The following PREX2 variants were observed in gnomAD, a reference collection of about 807,000 sequenced individuals.
The protein encoded by PREX2 is phosphatidylinositol 3,4,5-trisphosphate-dependent Rac exchanger 2 protein.
A neutral mutation model predicts 203.2 loss-of-function variants in PREX2; 107 were observed. The observed-to-expected ratio is 0.53, with a 90% CI of 0.45 to 0.62. The LOEUF is 0.62. Among genes scored for constraint, PREX2 ranks in the 20% least tolerant of loss-of-function variants. PREX2 has a pLI of 0.00. For synonymous variants in PREX2, 672 were observed against 663.6 expected, an observed-to-expected ratio of 1.01 and a Z score of -0.19; for missense variants, 1,777 against 1,955.9, an observed-to-expected ratio of 0.91 and a Z score of 1.72.
chr8:67,956,635 G>A (rs1272961992), intron 1 of PREX2, among the ~76,000 whole-genome samples: 1 of 152,192 alleles, frequency 6.6e-6, no homozygotes, highest in African/African-American at 2.4e-5. Flanking sequence ...CCATTTAACT[G>A]TGGGTCAGTG....
intron 37 of PREX2, among the ~76,000 whole-genome samples, chr8:68,201,406 A>G (rs948709957): frequency 3.3e-5 from 5 of 152,176 alleles, no homozygotes; most frequent in African/African-American, 1.2e-4. Context: ...TCACACGACT[A>G]GGTGAGGTCC....
rs1810723912 is a variant in PREX2 at position 68,119,485 on chromosome 8, C to T, written c.3475C>T (p.His1159Tyr). The stretch of plus-strand genomic sequence containing the variant: ...ATCTCATGATAAACAGGACAAGATA[C>T]ATAGTTGCCTTGAGCATCTTTTCAG... ...RISHDKQDKI[H>Y]SCLEHLFSQV... Residue 1159 changes from histidine to tyrosine, a missense_variant, in exon 28 of 40, where the codon CAT (histidine) becomes TAT (tyrosine). By Grantham distance (83) the His-to-Tyr change is moderately conservative. Coordinates refer to ENST00000288368, the MANE Select transcript of PREX2 (RefSeq NM_024870.4). The T allele has an allele frequency of 1.2e-6, 2 of 1,613,558 alleles. No individual in the cohort carries two copies. Among genetic ancestry groups the T allele is most frequent in the South Asian group, 2.2e-5 (2 of 91,048 alleles).
chr8:68,202,673 T>G (rs892048267), intron 37 of PREX2, among the ~76,000 whole-genome samples: 14 of 151,656 alleles, frequency 9.2e-5, no homozygotes, highest in African/African-American at 3.4e-4. Context: ...TGGTGAGAAA[T>G]AAAGAATAGG....
intron 35 of PREX2, among the ~76,000 whole-genome samples, chr8:68,167,617 G>A (rs772310319): frequency 6.6e-6 from 1 of 152,118 alleles, no homozygotes; most frequent in Non-Finnish European, 1.5e-5. Flanking sequence ...ACAGGCATGA[G>A]ACACCTTGTC....
intron 19 of PREX2, among the ~76,000 whole-genome samples, chr8:68,088,202 C>A (rs1195638444): frequency 6.6e-6 from 1 of 152,150 alleles, no homozygotes; most frequent in Non-Finnish European, 1.5e-5. Context: ...TTGCTATATA[C>A]TTCCTTCGGG....
intron 30 of PREX2, among the ~76,000 whole-genome samples, chr8:68,121,418 T>C (rs1046590456): frequency 6.6e-6 from 1 of 152,120 alleles, no homozygotes; most frequent in African/African-American, 2.4e-5. Context: ...AAAAATCAGT[T>C]GTGAAGCTGT....
chr8:68,128,235 A>C (rs540102757), intron 31 of PREX2, among the ~76,000 whole-genome samples: 10 of 152,330 alleles, frequency 6.6e-5, no homozygotes, highest in African/African-American at 2.4e-4. Flanking sequence ...TTATTATTTT[A>C]ATCTATTTCC....
At chr8:68,055,706 G>T (rs964644720) in intron 9 of PREX2, 124 bp from the exon 10 acceptor site, 1 of 861,100 alleles carries the variant, frequency 1.2e-6, no homozygotes, top group Non-Finnish European at 1.8e-6. Flanking sequence ...ATTATACAGA[G>T]ATCTGTATCC....
intron 1 of PREX2, among the ~76,000 whole-genome samples, chr8:67,990,766 G>A (rs1806576714): frequency 6.6e-6 from 1 of 152,102 alleles, no homozygotes; most frequent in South Asian, 2.1e-4. Flanking sequence ...GCCCACCTCA[G>A]TCTCCTGAAG....
Position 68,191,019 on chromosome 8 carries a change from A to G in PREX2, c.4347-703A>G, listed in dbSNP as rs538912138. Reference sequence around the variant, plus strand: ...TACACAAAATGGCATGAAATACTATACAGCCATAAAATAGAATGAGATCAT... The same window carrying G: ...TACACAAAATGGCATGAAATACTATGCAGCCATAAAATAGAATGAGATCAT... On this transcript the variant is annotated intron_variant, in intron 35 of 39. Coordinates refer to ENST00000288368, the MANE Select transcript of PREX2 (RefSeq NM_024870.4). Among the ~76,000 whole-genome samples, 10 of 152,264 alleles carry G rather than the reference A, an allele frequency of 6.6e-5. No homozygotes were observed. The South Asian group carries it at 2.1e-3, about 32-fold the overall frequency.
chr8:68,019,483 A>G (rs112024249), intron 2 of PREX2, 66 bp from the exon 3 acceptor site: 3 of 1,303,198 alleles, frequency 2.3e-6, no homozygotes, highest in East Asian at 4.9e-5. Context: ...AGAGAATACT[A>G]TGCTATCATA....
At chr8:68,059,665 C>T (rs1808785626) in intron 10 of PREX2, among the ~76,000 whole-genome samples, 2 of 152,166 alleles carry the variant, frequency 1.3e-5, no homozygotes, top group Admixed American at 6.5e-5. Context: ...CAAGTGGGTT[C>T]TCTGCTTAGG....
chr8:68,212,698 A>G (rs971868051), intron 37 of PREX2, among the ~76,000 whole-genome samples: 3 of 152,200 alleles, frequency 2.0e-5, no homozygotes, highest in East Asian at 3.8e-4. Flanking sequence ...CAACTTTGCA[A>G]TATAATTTTC....
intron 13 of PREX2, among the ~76,000 whole-genome samples, chr8:68,071,467 G>T (rs547920926): frequency 1.5e-3 from 221 of 152,250 alleles, no homozygotes; most frequent in African/African-American, 4.9e-3. Context: ...AAAGAACAAT[G>T]AATATAGCTA....
intron 1 of PREX2, among the ~76,000 whole-genome samples, chr8:68,010,874 G>C (rs1461649605): frequency 6.6e-6 from 1 of 152,126 alleles, no homozygotes; most frequent in Non-Finnish European, 1.5e-5. Context: ...TTTCTCCCTA[G>C]GGTTTGGTGT....
At chr8:68,184,398 T>C (rs1812147884) in intron 35 of PREX2, among the ~76,000 whole-genome samples, 1 of 152,230 alleles carries the variant, frequency 6.6e-6, no homozygotes, top group Non-Finnish European at 1.5e-5. Flanking sequence ...ATCATGTCTA[T>C]AAATGATATC....
At chr8:68,104,578 C>G (rs968943467) in intron 23 of PREX2, among the ~76,000 whole-genome samples, 1 of 152,196 alleles carries the variant, frequency 6.6e-6, no homozygotes, top group Non-Finnish European at 1.5e-5. Context: ...ACTGGTAATC[C>G]ATTCTTCAGT....
At chr8:68,033,469 A>ATACC (rs151143173) in intron 6 of PREX2, among the ~76,000 whole-genome samples, 15,602 of 152,188 alleles carry the variant, frequency 0.1, 837 homozygotes, top group Middle Eastern at 0.13. Flanking sequence ...TACTGAAGGT[A>ATACC]GTATAGTACT....
At chr8:68,093,555 T>G in intron 20 of PREX2, 50 bp from the exon 21 acceptor site, 1 of 842,536 alleles carries the variant, frequency 1.2e-6, no homozygotes, top group Middle Eastern at 2.3e-4. Flanking sequence ...TGGGCATGTA[T>G]TTTAGGAAGC....
Sources: gnomAD v4.1 joint callset for allele counts (sites outside exome capture counted in the v4.1 genomes callset) on GRCh38, gnomAD v4.1.1 for gene constraint, MANE v1.5 for transcripts, NCBI Gene and HGNC (gene_info 2026-07-23, HGNC 2026-07-21) for gene names.